The following WHAMM variants were observed in gnomAD, a reference collection of about 807,000 sequenced individuals.
The protein encoded by WHAMM is WASP homolog-associated protein with actin, membranes and microtubules.
Under a neutral mutation model 76.5 loss-of-function variants are expected in WHAMM, and 67 were observed. The observed-to-expected ratio is 0.88, with a 90% CI of 0.72 to 1.07. The LOEUF (loss-of-function observed/expected upper bound fraction) is 1.07. Ranked by LOEUF, WHAMM falls within the 50% of genes least tolerant of loss-of-function variation. The pLI, the probability that WHAMM is intolerant of heterozygous loss-of-function variation, is 0.00. For missense variants in WHAMM, 1,021 were observed against 1,051.1 expected, an observed-to-expected ratio of 0.97 and a Z score of 0.40; for synonymous variants, 419 against 422.1, an observed-to-expected ratio of 0.99 and a Z score of 0.09.
Position 82,833,345 on chromosome 15 carries a change from A to C in WHAMM, c.2239A>C (p.Ile747Leu). The C allele has an allele frequency of 6.2e-7, 1 of 1,614,054 alleles. No individual in the cohort carries two copies. Among genetic ancestry groups the C allele is most frequent in the Non-Finnish European group, 8.5e-7 (1 of 1,179,894 alleles). ...ASINEHILAA[I>L]RQGVKLKKVH... Reference sequence around the variant, plus strand: ...AATCAATGAGCACATTCTGGCTGCCATAAGGCAAGGGGTCAAACTGAAGAA... The same window carrying C: ...AATCAATGAGCACATTCTGGCTGCCCTAAGGCAAGGGGTCAAACTGAAGAA... Residue 747 changes from isoleucine to leucine, a missense_variant, in exon 10 of 10, where the codon ATA (isoleucine) becomes CTA (leucine). By Grantham distance (5) the Ile-to-Leu change is conservative (BLOSUM62 2). This residue lies in a region of WHAMM where 509 missense variants were observed against 492.3 expected (regional missense o/e 1.03). Coordinates refer to ENST00000286760, the MANE Select transcript of WHAMM (RefSeq NM_001080435.3).
chr15:82,816,920 T>G (rs750130225), intron 3 of WHAMM, 78 bp downstream of exon 3: 5 of 1,381,854 alleles, frequency 3.6e-6, no homozygotes, highest in Non-Finnish European at 3.9e-6. Context: ...GAGTCCCTCT[T>G]ACGCACTAGG....
At chr15:82,816,883 GATTATCATTTT>G (rs747448305) in intron 3 of WHAMM, 41 bp downstream of exon 3, 1 of 1,526,312 alleles carries the variant, frequency 6.6e-7, no homozygotes, top group Non-Finnish European at 8.8e-7. Flanking sequence ...ACATGTAATT[GATTATCATTTT>G]ATTCAAATAC....
Position 82,818,151 on chromosome 15 carries a change from T to C in WHAMM, c.1104+62T>C, listed in dbSNP as rs1205218216. ...ACACTTTTATTTTTAAAACATTTTG[T>C]ATAAATAAAGGATACAAGTGCAGTT... On this transcript the variant is annotated intron_variant, in intron 4 of 9. Coordinates refer to ENST00000286760, the MANE Select transcript of WHAMM (RefSeq NM_001080435.3). 6 of 1,499,076 alleles carry C rather than the reference T, an allele frequency of 4.0e-6. No homozygotes were observed. The East Asian group carries it at 1.2e-4, about 31-fold the overall frequency. The allele number at this position is 1,499,076 out of a possible 1,614,324, so 92.9% of individuals were successfully genotyped here. A position where few individuals can be genotyped will look rare whatever the true frequency, so the allele number is the denominator to read the frequency against.
At chr15:82,811,717 A>C (rs543664779) in intron 1 of WHAMM, among the ~76,000 whole-genome samples, 119 of 152,324 alleles carry the variant, frequency 7.8e-4, no homozygotes, top group African/African-American at 2.5e-3. Flanking sequence ...TATTGCTAGG[A>C]TATATAAAAT....
intron 2 of WHAMM, among the ~76,000 whole-genome samples, chr15:82,814,021 G>T (rs1017340071): frequency 6.6e-6 from 1 of 152,038 alleles, no homozygotes; most frequent in Non-Finnish European, 1.5e-5. Context: ...AAGGACTTAC[G>T]CAGATTTCTT....
At position 82,823,270 on chromosome 15, in the gene WHAMM, T is replaced by C; in HGVS notation, c.1441T>C (p.Ser481Pro). Residue 481 changes from serine (S) to proline (P), a missense_variant, in exon 6 of 10, where the codon TCT becomes CCT. Ser to Pro is a moderately conservative substitution (Grantham distance 74). Coordinates refer to ENST00000286760, the MANE Select transcript of WHAMM (RefSeq NM_001080435.3). ...KRGRICAKRA[S>P]LRSRKDQCKE... Reference sequence around the variant, plus strand: ...GGGCAGGATCTGTGCCAAAAGAGCCTCTCTCCGGAGTAGAAAGGTAGGTAC... The same window carrying C: ...GGGCAGGATCTGTGCCAAAAGAGCCCCTCTCCGGAGTAGAAAGGTAGGTAC... 1.3e-6 allele frequency: 2 copies of C among 1,527,014 alleles called. No individual in the cohort carries two copies. Among genetic ancestry groups the C allele is most frequent in the South Asian group, 1.3e-5 (1 of 75,692 alleles). 94.6% of individuals were successfully genotyped at this position (1,527,014 alleles called of 1,614,324 possible). A position where few individuals can be genotyped will look rare whatever the true frequency, so the allele number is the denominator to read the frequency against.
At chr15:82,815,155 A>ATATATATATATATAAATAAT (rs55807384) in intron 2 of WHAMM, among the ~76,000 whole-genome samples, 1 of 46,148 alleles carries the variant, frequency 2.2e-5, no homozygotes, top group African/African-American at 9.1e-5. Flanking sequence ...ATATATATAT[A>ATATATATATATATAAATAAT]GTACAATTCA....
At chr15:82,830,119 A>G (rs529286217) in intron 8 of WHAMM, among the ~76,000 whole-genome samples, 2 of 151,098 alleles carry the variant, frequency 1.3e-5, no homozygotes, top group African/African-American at 4.8e-5. Context: ...ACTATTTTAT[A>G]TCTGGTTTTC....
intron 6 of WHAMM, 149 bp from the exon 7 acceptor site, chr15:82,826,261 G>A: frequency 1.4e-6 from 1 of 698,628 alleles, no homozygotes; most frequent in Non-Finnish European, 2.4e-6. Context: ...ATAGACTGCG[G>A]AGGAGACAGT....
chr15:82,824,161 C>CTTTTTTTTT (rs2050888137), intron 6 of WHAMM, among the ~76,000 whole-genome samples: 1 of 78,816 alleles, frequency 1.3e-5, no homozygotes, highest in Non-Finnish European at 2.9e-5. Flanking sequence ...ATACTTTTCT[C>CTTTTTTTTT]CTTTTTTTTT....
At chr15:82,825,106 T>C (rs1476578652) in intron 6 of WHAMM, among the ~76,000 whole-genome samples, 2 of 152,142 alleles carry the variant, frequency 1.3e-5, no homozygotes, top group African/African-American at 2.4e-5. Context: ...GCTGGGGTGA[T>C]AGAACAAGAC....
intron 6 of WHAMM, among the ~76,000 whole-genome samples, chr15:82,824,454 G>A (rs2050896092): frequency 6.6e-6 from 1 of 152,140 alleles, no homozygotes; most frequent in South Asian, 2.1e-4. Context: ...CTGAGTAGCT[G>A]GGATTACAGG....
intron 3 of WHAMM, 92 bp from the exon 4 acceptor site, chr15:82,817,828 T>G: frequency 9.9e-7 from 1 of 1,005,710 alleles, no homozygotes; most frequent in South Asian, 3.2e-5. Flanking sequence ...ATTCTGCAGG[T>G]AGTATGGAGG....
At chr15:82,821,829 C>T (rs1001003350) in intron 5 of WHAMM, among the ~76,000 whole-genome samples, 4 of 152,030 alleles carry the variant, frequency 2.6e-5, no homozygotes, top group African/African-American at 9.7e-5. Flanking sequence ...ATCTTCCTAC[C>T]CAAGAACATG....
chr15:82,816,530 G>A (rs2050729250), intron 2 of WHAMM, among the ~76,000 whole-genome samples, 162 bp from the exon 3 acceptor site: 1 of 152,126 alleles, frequency 6.6e-6, no homozygotes, highest in Non-Finnish European at 1.5e-5. Context: ...TCAGCTTAGA[G>A]CCTTATTCAT....
chr15:82,826,525 A>T, intron 7 of WHAMM, 29 bp downstream of exon 7: 2 of 1,606,832 alleles, frequency 1.2e-6, no homozygotes, highest in African/African-American at 1.3e-5. Flanking sequence ...AAAATGTTCT[A>T]TGTTTGTGTA....
At chr15:82,826,302 T>G (rs535894648) in intron 6 of WHAMM, 108 bp from the exon 7 acceptor site, 8 of 1,147,198 alleles carry the variant, frequency 7.0e-6, no homozygotes, top group Non-Finnish European at 1.0e-5. Flanking sequence ...CTAATATTAA[T>G]GAATGCCTTA....
At chr15:82,827,540 T>C (rs1272503986) in intron 8 of WHAMM, among the ~76,000 whole-genome samples, 5 of 152,228 alleles carry the variant, frequency 3.3e-5, no homozygotes, top group Non-Finnish European at 7.3e-5. Context: ...ATTTATGAGG[T>C]ATAGTGTGAT....
chr15:82,813,343 A>T, intron 2 of WHAMM, 67 bp downstream of exon 2: 3 of 1,278,966 alleles, frequency 2.3e-6, no homozygotes, highest in Non-Finnish European at 3.1e-6. Context: ...CTTTATTTAC[A>T]CTTAATGTTC....
Sources: allele counts gnomAD v4.1 joint callset (sites outside exome capture counted in the v4.1 genomes callset), GRCh38; gene constraint gnomAD v4.1.1; regional missense constraint gnomAD v4.1.1; transcripts MANE v1.5; gene names NCBI Gene and HGNC (gene_info 2026-07-23, HGNC 2026-07-21).